The following NRK variants were observed in gnomAD, a reference collection of about 807,000 sequenced individuals.
The protein encoded by NRK is nik-related protein kinase.
A neutral mutation model predicts 125.2 loss-of-function variants in NRK; 67 were observed. The observed-to-expected ratio is 0.54, with a 90% confidence interval of 0.44 to 0.66. NRK has a LOEUF of 0.66. NRK is among the 30% of genes least tolerant of loss of function. The pLI, the probability that NRK is intolerant of heterozygous loss-of-function variation, is 0.00. For missense variants in NRK, 1,224 were observed against 1,192.9 expected (o/e 1.03, Z -0.38); for synonymous variants, 458 against 429.0 (o/e 1.07, Z -0.84).
chrX:105,945,214 A>C (rs1458006427), intron 24 of NRK, among the ~76,000 whole-genome samples: 1 of 111,444 alleles, frequency 9.0e-6, no homozygotes, highest in Non-Finnish European at 1.9e-5. Context: ...TTTTTAGCAG[A>C]TGTTCCAGGT....
chrX:105,857,965 C>A, intron 2 of NRK, among the ~76,000 whole-genome samples: 1 of 110,753 alleles, frequency 9.0e-6, no homozygotes, highest in Non-Finnish European at 1.9e-5. Context: ...ATTGCCCAGG[C>A]CTGTCACCTG....
In NRK at chrX:105,949,560, G is replaced by T; in HGVS notation, c.4354-15G>T. The T allele has an allele frequency of 8.6e-7, 1 of 1,166,733 alleles. No homozygotes were observed. The highest frequency in any genetic ancestry group is 1.2e-6 in the Non-Finnish European group (1 of 858,366). ...AAATATTGGACATATAAATCTTTATGAAACATAATTCCAGCCCCTGGAAAT... is the reference window on the plus strand; with the variant it reads ...AAATATTGGACATATAAATCTTTATTAAACATAATTCCAGCCCCTGGAAAT... On this transcript the variant is annotated splice_polypyrimidine_tract_variant and intron_variant, in intron 26 of 28. Transcript: ENST00000243300.
In NRK at chrX:105,906,497, A is replaced by G; in HGVS notation, c.929A>G (p.His310Arg). 3 of 1,157,142 alleles carry G rather than the reference A, an allele frequency of 2.6e-6. No homozygotes were observed. Among genetic ancestry groups the G allele is most frequent in the Non-Finnish European group, 3.5e-6 (3 of 854,532 alleles). Residue 310 changes from histidine (H) to arginine (R), a missense_variant, in exon 11 of 29, where the codon CAC becomes CGC. By Grantham distance (29) the His-to-Arg change is conservative. Coordinates refer to ENST00000243300, the MANE Select transcript of NRK (RefSeq NM_198465.4). Reference protein sequence around the residue: ...FRPTSANMLQHPFVRDIKNER... With the variant: ...FRPTSANMLQRPFVRDIKNER... ...CCTACTTCTGCAAACATGCTTCAAC[A>G]CCCATTTGTTCGGGATATAAAAAAT...
chrX:105,919,814 T>A (rs1026905429), intron 16 of NRK, among the ~76,000 whole-genome samples: 2 of 111,655 alleles, frequency 1.8e-5, no homozygotes, highest in African/African-American at 6.5e-5. Context: ...GATGAGTAGG[T>A]TGCGAAAATT....
chrX:105,917,145 C>T (rs142657025), intron 15 of NRK, among the ~76,000 whole-genome samples: 5,752 of 110,680 alleles, frequency 0.052, 386 homozygotes, highest in African/African-American at 0.18. Flanking sequence ...ACGTTAAAAA[C>T]ATTAATTTCA....
intron 24 of NRK, among the ~76,000 whole-genome samples, chrX:105,944,474 C>A (rs150747673): frequency 1.8e-5 from 2 of 111,745 alleles, no homozygotes; most frequent in African/African-American, 6.5e-5. Context: ...AGGGAGAATG[C>A]GAGGGAAATC....
chrX:105,895,550 G>A, intron 7 of NRK, 27 bp downstream of exon 7: 2 of 947,124 alleles, frequency 2.1e-6, no homozygotes, highest in South Asian at 3.9e-5. Flanking sequence ...AGTATTTTAA[G>A]TCCAAAACAT....
intron 2 of NRK, among the ~76,000 whole-genome samples, chrX:105,849,797 T>C (rs1380358441): frequency 8.9e-6 from 1 of 112,313 alleles, no homozygotes; most frequent in South Asian, 3.7e-4. Flanking sequence ...TCCCATGGTC[T>C]TGGGCAGCTC....
intron 18 of NRK, 83 bp downstream of exon 18, chrX:105,923,565 T>G: frequency 1.5e-6 from 1 of 646,723 alleles, no homozygotes; most frequent in East Asian, 3.7e-5. Context: ...TCAAAATTTA[T>G]TACCAAGAGA....
rs2040253449 is a variant in NRK, at chrX:105,908,854, G to A, written c.1213G>A (p.Ala405Thr). 2 of 1,207,967 alleles carry A rather than the reference G, an allele frequency of 1.7e-6. No individual in the cohort carries two copies. Among genetic ancestry groups the A allele is most frequent in the South Asian group, 1.8e-5 (1 of 56,745 alleles). ...LPDREEPQVQ[A>T]LQQLQGAARV... ...TGATCGAGAAGAGCCACAGGTCCAG[G>A]CACTTCAGCAGCTACAGGGAGCAGC... The change falls in exon 13 of 29, where the codon GCA becomes ACA. Residue 405 changes from alanine to threonine, a missense_variant. By Grantham distance (58) the Ala-to-Thr change is moderately conservative (BLOSUM62 0). Transcript: ENST00000243300.
chrX:105,911,406 A>T (rs969890175), intron 13 of NRK, among the ~76,000 whole-genome samples: 1 of 111,762 alleles, frequency 8.9e-6, no homozygotes, highest in African/African-American at 3.2e-5. Flanking sequence ...AATCATTGTG[A>T]TGATCCTAAC....
chrX:105,891,154 CTT>C (rs1302179573), intron 5 of NRK, among the ~76,000 whole-genome samples: 2 of 111,420 alleles, frequency 1.8e-5, no homozygotes, highest in Non-Finnish European at 1.9e-5. Context: ...CTAAGAAACT[CTT>C]TTCCAAATGG....
intron 9 of NRK, among the ~76,000 whole-genome samples, chrX:105,903,027 A>T (rs779332158): frequency 1.3e-4 from 14 of 111,223 alleles, no homozygotes; most frequent in Non-Finnish European, 2.6e-4. Context: ...GGACCTTTAT[A>T]CCAAGGCCAG....
Position 105,955,549 on chromosome X carries a change from C to A in NRK, c.4698C>A (p.Tyr1566Ter). ...TGCGCAATCACCACAGCCGGGTTTA[C>A]TTCATGACACTTGGAAAACTTGAAG... is the stretch of plus-strand genomic sequence containing the variant. ...STLRNHHSRV[Y>*]FMTLGKLEEL... Residue 1566 changes from tyrosine to a stop codon, truncating the protein, a stop_gained, in exon 29 of 29, where the codon TAC becomes TAA. Transcript: ENST00000243300. LOFTEE classifies it high-confidence loss of function. 1 of 1,193,030 alleles carries A rather than the reference C, an allele frequency of 8.4e-7. No individual in the cohort carries two copies. Among genetic ancestry groups the A allele is most frequent in the East Asian group, 3.0e-5 (1 of 33,466 alleles).
intron 4 of NRK, 40 bp downstream of exon 4, chrX:105,881,819 T>C: frequency 3.9e-6 from 3 of 764,881 alleles, no homozygotes; most frequent in Non-Finnish European, 5.9e-6. Context: ...AAGTAGTCTT[T>C]CCTTTCATTT....
chrX:105,853,212 G>A, intron 2 of NRK, among the ~76,000 whole-genome samples: 1 of 111,896 alleles, frequency 8.9e-6, no homozygotes, highest in Non-Finnish European at 1.9e-5. Flanking sequence ...TGTTAGAAAT[G>A]CAAATTCTTG....
In NRK at chrX:105,906,561, TG is replaced by T; in HGVS notation, c.995del (p.Gly332GlufsTer13). ...VVESLTRHLTGIIKKRQKKGI... is the reference protein window; with the variant it reads ...VVESLTRHLTXIIKKRQKKGI... ...TTGAGTCATTAACAAGGCATCTTAC[TG>T]GAATCATTAAAAAAAGACAGAAAAA... On this transcript the variant is annotated frameshift_variant, in exon 11 of 29. Coordinates refer to ENST00000243300, the MANE Select transcript of NRK (RefSeq NM_198465.4). LOFTEE classifies it high-confidence loss of function. 2 of 1,102,926 alleles carry T rather than the reference TG, an allele frequency of 1.8e-6. No individual in the cohort carries two copies. The highest frequency in any genetic ancestry group is 1.2e-6 in the Non-Finnish European group (1 of 826,275). The allele number at this position is 1,102,926 out of a possible 1,213,427, so 90.9% of individuals were successfully genotyped here.
intron 26 of NRK, chrX:105,948,648 G>A (rs1325281229): frequency 2.0e-6 from 1 of 502,969 alleles, no homozygotes; most frequent in Admixed American, 2.8e-5. Flanking sequence ...TCATGCAAGT[G>A]CCCAGGGAAC....
chrX:105,858,459 A>G (rs1009628853), intron 2 of NRK, among the ~76,000 whole-genome samples: 8 of 109,441 alleles, frequency 7.3e-5, no homozygotes, highest in Admixed American at 3.9e-4. Context: ...TGGATAGATA[A>G]CCAAAATGCT....
Sources: allele counts gnomAD v4.1 joint callset (sites outside exome capture counted in the v4.1 genomes callset), GRCh38; gene constraint gnomAD v4.1.1; transcripts MANE v1.5; gene names NCBI Gene and HGNC (gene_info 2026-07-23, HGNC 2026-07-21).